Variants in PHLDB2 observed in about 807,000 individuals in gnomAD.
PHLDB2 encodes the protein pleckstrin homology-like domain family B member 2.
A neutral mutation model predicts 123.6 loss-of-function variants in PHLDB2; 71 were observed. The observed-to-expected ratio is 0.57, with a 90% CI of 0.47 to 0.70. The LOEUF (loss-of-function observed/expected upper bound fraction) is 0.70, where lower values mean the gene tolerates loss of function less well. PHLDB2 is among the 30% of genes least tolerant of loss of function. The probability of loss-of-function intolerance (pLI) is 0.00; values close to 1 mark genes in which losing one functional copy is unlikely to be tolerated. For missense variants in PHLDB2, 1,446 were observed against 1,519.5 expected (o/e 0.95, Z 0.80); for synonymous variants, 547 against 541.6 (o/e 1.01, Z -0.14).
At chr3:111,810,494 A>G (rs529656774) in intron 1 of PHLDB2, among the ~76,000 whole-genome samples, 34 of 152,248 alleles carry the variant, frequency 2.2e-4, no homozygotes, top group African/African-American at 7.2e-4. Context: ...GTGTGCTCAC[A>G]TGATCTTTCC....
In PHLDB2 at chr3:111,884,712, G is replaced by A. The variant is rs2066080852; in HGVS notation, c.635G>A (p.Ser212Asn). Residue 212 changes from serine (S) to asparagine (N), a missense_variant, in exon 2 of 18, where the codon AGC becomes AAC. By Grantham distance (46) the Ser-to-Asn change is conservative. This residue lies in a region of PHLDB2 where 832 missense variants were observed against 831.9 expected (regional missense o/e 1.00). Coordinates refer to ENST00000431670, the MANE Select transcript of PHLDB2 (RefSeq NM_001134438.2). ...PSSPKQARKM[S>N]IQDSLALQPK... ...AGCCCAAAGCAAGCCAGGAAAATGA[G>A]CATTCAGGACAGCCTGGCGCTTCAA... 1 of 1,614,014 alleles carries A rather than the reference G, an allele frequency of 6.2e-7. No individual in the cohort carries two copies. Among genetic ancestry groups the A allele is most frequent in the African/African-American group, 1.3e-5 (1 of 74,916 alleles).
At chr3:111,737,016 G>A (rs1337499003) in intron 1 of PHLDB2, among the ~76,000 whole-genome samples, 1 of 152,206 alleles carries the variant, frequency 6.6e-6, no homozygotes, top group Non-Finnish European at 1.5e-5. Context: ...TCAGATGGAT[G>A]TCTCATGAGT....
intron 1 of PHLDB2, among the ~76,000 whole-genome samples, chr3:111,752,800 G>A (rs55938712): frequency 6.7e-6 from 1 of 148,522 alleles, no homozygotes; most frequent in East Asian, 2.0e-4. Flanking sequence ...CCTCCCCACT[G>A]CCCCCACCCC....
At chr3:111,801,724 G>T (rs1353028804) in intron 1 of PHLDB2, among the ~76,000 whole-genome samples, 3 of 152,148 alleles carry the variant, frequency 2.0e-5, no homozygotes, top group Non-Finnish European at 4.4e-5. Context: ...TATGCTAAGT[G>T]AAAGGAGACA....
At position 111,953,996 on chromosome 3, in the gene PHLDB2, G is replaced by C. The variant is rs1371435724; in HGVS notation, c.2839G>C (p.Ala947Pro). The change falls in exon 12 of 18, where the codon GCC becomes CCC. Residue 947 changes from alanine (A) to proline (P), a missense_variant. This residue lies in a region of PHLDB2 where 594 missense variants were observed against 646.0 expected (regional missense o/e 0.92). Coordinates refer to ENST00000431670, the MANE Select transcript of PHLDB2 (RefSeq NM_001134438.2). ...GCTCCCTCCCTCACTGGCAGCCATGGCCAAAGACTCAGAATCTCGGAGGAT... is the reference window on the plus strand; with the variant it reads ...GCTCCCTCCCTCACTGGCAGCCATGCCCAAAGACTCAGAATCTCGGAGGAT... ...SVLPPSLAAM[A>P]KDSESRRMLR... The C allele has an allele frequency of 6.2e-7, 1 of 1,613,612 alleles. No homozygotes were observed. The highest frequency in any genetic ancestry group is 1.1e-5 in the South Asian group (1 of 91,050).
chr3:111,898,068 C>G (rs981649995), intron 2 of PHLDB2, among the ~76,000 whole-genome samples: 1 of 151,986 alleles, frequency 6.6e-6, no homozygotes, highest in Non-Finnish European at 1.5e-5. Context: ...GAGTTGTAAT[C>G]TTTTTGCTAG....
At chr3:111,817,020 C>T (rs1398978286) in intron 1 of PHLDB2, among the ~76,000 whole-genome samples, 1 of 152,208 alleles carries the variant, frequency 6.6e-6, no homozygotes, top group Non-Finnish European at 1.5e-5. Context: ...CCATGCAAGA[C>T]ATGACATGCT....
At chr3:111,925,665 G>A (rs975882985) in intron 5 of PHLDB2, among the ~76,000 whole-genome samples, 2 of 152,168 alleles carry the variant, frequency 1.3e-5, no homozygotes, top group Non-Finnish European at 2.9e-5. Context: ...TAGGGAAACC[G>A]CTAGCACCAT....
intron 1 of PHLDB2, among the ~76,000 whole-genome samples, chr3:111,793,935 A>G (rs527524694): frequency 1.1e-4 from 17 of 151,278 alleles, no homozygotes; most frequent in African/African-American, 4.1e-4. Flanking sequence ...CCTCAAGCAG[A>G]AGAAAGGAAT....
chr3:111,922,171 G>A (rs935416819), intron 5 of PHLDB2, among the ~76,000 whole-genome samples: 2 of 152,158 alleles, frequency 1.3e-5, no homozygotes, highest in South Asian at 4.1e-4. Flanking sequence ...ATAGGAATTA[G>A]GTATCATGTT....
At chr3:111,739,045 A>G (rs2059555784) in intron 1 of PHLDB2, among the ~76,000 whole-genome samples, 2 of 152,232 alleles carry the variant, frequency 1.3e-5, no homozygotes, top group African/African-American at 4.8e-5. Context: ...GATTGAGAGT[A>G]TAACATCTCT....
At chr3:111,914,720 C>A (rs2068070345) in intron 3 of PHLDB2, 1 of 151,776 alleles carries the variant, frequency 6.6e-6, no homozygotes, top group African/African-American at 2.4e-5. Flanking sequence ...TTTATTTTGA[C>A]TTTATTTGTA....
intron 1 of PHLDB2, among the ~76,000 whole-genome samples, chr3:111,761,163 G>T (rs1370838421): frequency 1.4e-5 from 2 of 140,554 alleles, no homozygotes; most frequent in Non-Finnish European, 3.0e-5. Context: ...CCAGCCTAGC[G>T]ACAGAGTGAG....
In PHLDB2 at chr3:111,782,818, G is replaced by A. The variant is rs572995961; in HGVS notation, c.-49+50115G>A. On this transcript the variant is annotated intron_variant, in intron 1 of 17. Coordinates refer to the PHLDB2 transcript ENST00000393923. ...CTTAGCACATATGAGGTGATAAATA[G>A]AGCTTTATTTTTGTTCTCAGGCTAT... Among the ~76,000 whole-genome samples the A allele has an allele frequency of 5.3e-5, 8 of 152,174 alleles. No homozygotes were observed. In the South Asian group the frequency reaches 6.2e-4, roughly 12 times the overall value.
chr3:111,876,727 C>T (rs187174856), intron 1 of PHLDB2, among the ~76,000 whole-genome samples: 4 of 152,126 alleles, frequency 2.6e-5, no homozygotes, highest in Admixed American at 6.5e-5. Flanking sequence ...CCTAGCCCCC[C>T]ACACCCTGAC....
In PHLDB2 at chr3:111,970,573, T is replaced by G. The variant is rs919932305; in HGVS notation, c.3535+664T>G. Among the ~76,000 whole-genome samples the G allele has an allele frequency of 2.0e-5, 3 of 152,354 alleles. No individual in the cohort carries two copies. In the South Asian group the frequency reaches 6.2e-4, roughly 32 times the overall value. On this transcript the variant is annotated intron_variant, in intron 16 of 17. Transcript: ENST00000431670. The stretch of plus-strand genomic sequence containing the variant: ...TTAAGTGACTGAAATATTTTTGGAT[T>G]CTTAAATGTTGGCTGACAAGAAACA...
intron 1 of PHLDB2, among the ~76,000 whole-genome samples, chr3:111,757,808 A>C (rs2059921762): frequency 6.6e-6 from 1 of 152,170 alleles, no homozygotes; most frequent in South Asian, 2.1e-4. Context: ...TTAACAGCTG[A>C]CAACAGGTCT....
intron 3 of PHLDB2, among the ~76,000 whole-genome samples, chr3:111,918,018 T>C (rs1319559522): frequency 1.3e-5 from 2 of 152,160 alleles, no homozygotes; most frequent in Non-Finnish European, 1.5e-5. Context: ...ATTACTTCTT[T>C]TTCAAAAAGG....
chr3:111,969,955 C>T (rs749894627), intron 16 of PHLDB2, 46 bp downstream of exon 16: 5 of 1,577,860 alleles, frequency 3.2e-6, no homozygotes, highest in South Asian at 1.1e-5. Flanking sequence ...ATCAAGAACC[C>T]CCTGTTAAAG....
Sources: gnomAD v4.1 joint callset for allele counts (sites outside exome capture counted in the v4.1 genomes callset) on GRCh38, gnomAD v4.1.1 for gene constraint, gnomAD v4.1.1 regional missense constraint, MANE v1.5 for transcripts, NCBI Gene and HGNC (gene_info 2026-07-23, HGNC 2026-07-21) for gene names.